The following FAR2 variants were observed in gnomAD, a reference collection of about 807,000 sequenced individuals.
FAR2 encodes the protein fatty acyl-CoA reductase 2.
FAR2 carries 19 observed loss-of-function variants against 56.0 expected under a neutral mutation model. That is an observed-to-expected ratio of 0.34 (90% CI 0.24 to 0.50). The LOEUF (loss-of-function observed/expected upper bound fraction) is 0.50. Among genes scored for constraint, FAR2 ranks in the 20% least tolerant of loss-of-function variants. The pLI, the probability that FAR2 is intolerant of heterozygous loss-of-function variation, is 0.98. For synonymous variants in FAR2, 219 were observed against 218.8 expected (o/e 1.00, Z -0.01); for missense variants, 508 against 642.2 (o/e 0.79, Z 2.26).
intron 2 of FAR2, 45 bp downstream of exon 2, chr12:29,270,683 C>T: frequency 6.7e-7 from 1 of 1,492,300 alleles, no homozygotes; most frequent in Non-Finnish European, 9.1e-7. Flanking sequence ...TGCCTTAGGG[C>T]AAGATGATTC....
At chr12:29,208,770 A>G (rs1947506574) in intron 1 of FAR2, among the ~76,000 whole-genome samples, 1 of 152,226 alleles carries the variant, frequency 6.6e-6, no homozygotes, top group African/African-American at 2.4e-5. Flanking sequence ...GCTGCAGGAC[A>G]CATTCTGAAA....
intron 1 of FAR2, among the ~76,000 whole-genome samples, chr12:29,227,760 A>AT (rs566097768): frequency 1.5e-4 from 23 of 151,958 alleles, no homozygotes; most frequent in South Asian, 4.2e-4. Context: ...TTCTCCTAAG[A>AT]TTTTTTTTGT....
intron 1 of FAR2, among the ~76,000 whole-genome samples, chr12:29,254,353 T>C (rs142265946): frequency 6.6e-6 from 1 of 152,186 alleles, no homozygotes; most frequent in Admixed American, 6.5e-5. Context: ...CAAACAGATA[T>C]GTGACTGATA....
chr12:29,202,462 T>C (rs1591848102), intron 1 of FAR2, among the ~76,000 whole-genome samples: 2 of 152,194 alleles, frequency 1.3e-5, no homozygotes, highest in East Asian at 3.9e-4. Context: ...AACGTACTGA[T>C]AGAGTCATTT....
intron 1 of FAR2, among the ~76,000 whole-genome samples, chr12:29,180,881 A>G (rs1949985834): frequency 6.6e-6 from 1 of 152,114 alleles, no homozygotes; most frequent in South Asian, 2.1e-4. Flanking sequence ...TTTTCTTCTC[A>G]TAATCCTTCT....
chr12:29,243,503 A>T (rs1347468282), intron 1 of FAR2, among the ~76,000 whole-genome samples: 1 of 152,206 alleles, frequency 6.6e-6, no homozygotes, highest in Non-Finnish European at 1.5e-5. Flanking sequence ...GTCATGTAGC[A>T]GGTGCTCAGT....
At chr12:29,313,837 T>C (rs1949396015) in intron 8 of FAR2, among the ~76,000 whole-genome samples, 2 of 140,342 alleles carry the variant, frequency 1.4e-5, no homozygotes, top group Admixed American at 1.4e-4. Flanking sequence ...ATTGATTCTT[T>C]ATTATGTTGC....
intron 1 of FAR2, among the ~76,000 whole-genome samples, chr12:29,244,784 T>C (rs1054263224): frequency 6.6e-6 from 1 of 152,172 alleles, no homozygotes; most frequent in Non-Finnish European, 1.5e-5. Context: ...TCAATTACAC[T>C]ATCTAGGCTA....
At chr12:29,222,912 A>G (rs902101704) in intron 1 of FAR2, among the ~76,000 whole-genome samples, 2 of 152,226 alleles carry the variant, frequency 1.3e-5, no homozygotes, top group Non-Finnish European at 2.9e-5. Flanking sequence ...CTGTCTTCAT[A>G]AGAACAAAAT....
chr12:29,328,808 C>T lies in FAR2; in HGVS notation c.1258-3792C>T, dbSNP rs183316398. On this transcript the variant is annotated intron_variant, in intron 10 of 11. Transcript: ENST00000536681. ...CGTAATGCTAAATGACGAGTTAATG[C>T]GTGCAGCACACCAACATGGCACATG... Among the ~76,000 whole-genome samples, 259 of 151,426 alleles carry T rather than the reference C, an allele frequency of 1.7e-3. 3 individuals carry two copies. Among genetic ancestry groups the T allele is most frequent in the Admixed American group, 5.8e-3 (88 of 15,202 alleles).
chr12:29,255,430 C>A (rs1029724962), intron 1 of FAR2, among the ~76,000 whole-genome samples: 5 of 152,132 alleles, frequency 3.3e-5, no homozygotes, highest in Admixed American at 1.3e-4. Flanking sequence ...AGGGCTTCAA[C>A]ACATGAATTT....
intron 1 of FAR2, among the ~76,000 whole-genome samples, chr12:29,244,487 A>G (rs1565485597): frequency 6.6e-6 from 1 of 152,226 alleles, no homozygotes; most frequent in Non-Finnish European, 1.5e-5. Context: ...AGCTTCTTGC[A>G]TTTTGTGTAG....
At chr12:29,173,821 C>G (rs1422318823) in intron 1 of FAR2, among the ~76,000 whole-genome samples, 1 of 152,164 alleles carries the variant, frequency 6.6e-6, no homozygotes, top group Non-Finnish European at 1.5e-5. Flanking sequence ...TTGCACTCAC[C>G]TACGCAGCAG....
intron 9 of FAR2, 101 bp downstream of exon 9, chr12:29,317,113 T>C: frequency 1.6e-6 from 2 of 1,281,924 alleles, no homozygotes; most frequent in African/African-American, 1.5e-5. Flanking sequence ...AGGAGACAAC[T>C]GAATCTTACC....
chr12:29,221,634 G>T (rs1947692709), intron 1 of FAR2, among the ~76,000 whole-genome samples: 1 of 151,980 alleles, frequency 6.6e-6, no homozygotes, highest in African/African-American at 2.4e-5. Flanking sequence ...TTTATTTCCT[G>T]CTAAATGGTC....
At chr12:29,322,190 C>T (rs1448999641) in intron 10 of FAR2, among the ~76,000 whole-genome samples, 1 of 152,176 alleles carries the variant, frequency 6.6e-6, no homozygotes, top group Non-Finnish European at 1.5e-5. Flanking sequence ...GCACTTCAAT[C>T]GTTTTGTCAC....
At chr12:29,277,019 A>C (rs1181286643) in intron 2 of FAR2, among the ~76,000 whole-genome samples, 1 of 152,118 alleles carries the variant, frequency 6.6e-6, no homozygotes, top group Non-Finnish European at 1.5e-5. Context: ...TCTGTCACCC[A>C]GCTGCTAGAG....
At position 29,308,715 on chromosome 12, in the gene FAR2, C is replaced by CATATATAT. The variant is rs1416754268; in HGVS notation, c.724-470_724-469insTATATATA. Among the ~76,000 whole-genome samples, 191 of 129,562 alleles carry CATATATAT rather than the reference C, an allele frequency of 1.5e-3. 3 individuals are homozygous for CATATATAT. Among genetic ancestry groups the CATATATAT allele is most frequent in the Middle Eastern group, 7.8e-3 (2 of 258 alleles). 85.0% of individuals were successfully genotyped at this position (129,562 alleles called of 152,430 possible). Reference sequence around the variant, plus strand: ...ACACACACACACACACACACACACACACACATATATATATATATGTATATA... The same window carrying CATATATAT: ...ACACACACACACACACACACACACACATATATATACACATATATATATATATGTATATA... On this transcript the variant is annotated intron_variant, in intron 5 of 11. Transcript: ENST00000536681.
intron 1 of FAR2, among the ~76,000 whole-genome samples, chr12:29,183,067 A>G (rs752841747): frequency 2.0e-5 from 3 of 151,858 alleles, no homozygotes; most frequent in Non-Finnish European, 2.9e-5. Flanking sequence ...TCACATCCCT[A>G]AGGCCAATTG....
Sources: gnomAD v4.1 joint callset for allele counts (sites outside exome capture counted in the v4.1 genomes callset) on GRCh38, gnomAD v4.1.1 for gene constraint, MANE v1.5 for transcripts, NCBI Gene and HGNC (gene_info 2026-07-23, HGNC 2026-07-21) for gene names.